Variants in MTHFD1L observed in about 807,000 individuals in gnomAD.
The protein encoded by MTHFD1L is methylenetetrahydrofolate dehydrogenase (NADP+ dependent) 1 like, also known as monofunctional C1-tetrahydrofolate synthase, mitochondrial.
In MTHFD1L, 81 loss-of-function variants were observed where a neutral mutation model predicts 119.5. The ratio of observed to expected loss-of-function variants is 0.68; its 90% CI spans 0.57 to 0.82. The LOEUF (loss-of-function observed/expected upper bound fraction) is 0.82. MTHFD1L is among the 40% of genes least tolerant of loss of function. The pLI is 0.00. For synonymous variants in MTHFD1L, 430 were observed against 475.2 expected, an observed-to-expected ratio of 0.90 and a Z score of 1.24; for missense variants, 1,125 against 1,253.4, an observed-to-expected ratio of 0.90 and a Z score of 1.55.
intron 20 of MTHFD1L, among the ~76,000 whole-genome samples, chr6:150,972,268 T>C (rs1282978872): frequency 6.6e-6 from 1 of 152,138 alleles, no homozygotes; most frequent in Non-Finnish European, 1.5e-5. Context: ...TGGTATCAAG[T>C]ACATATGGGT....
chr6:150,967,934 C>G (rs757680569), intron 19 of MTHFD1L, among the ~76,000 whole-genome samples: 4 of 152,110 alleles, frequency 2.6e-5, no homozygotes, highest in Non-Finnish European at 5.9e-5. Flanking sequence ...CCACCCCGGT[C>G]TGAAAAGCCC....
chr6:151,077,571 C>T (rs1410296352), intron 26 of MTHFD1L, among the ~76,000 whole-genome samples: 1 of 152,150 alleles, frequency 6.6e-6, no homozygotes, highest in African/African-American at 2.4e-5. Flanking sequence ...ATCCTAGCTA[C>T]TCGGGAAGCT....
At chr6:150,887,766 C>CT in intron 6 of MTHFD1L, 79 bp from the exon 7 acceptor site, 28 of 1,447,534 alleles carry the variant, frequency 1.9e-5, no homozygotes, top group Non-Finnish European at 2.3e-5. Flanking sequence ...CTAAAAGGGT[C>CT]TTTTTTTCTT....
At chr6:150,878,338 G>A (rs890803534) in intron 4 of MTHFD1L, among the ~76,000 whole-genome samples, 20 of 151,440 alleles carry the variant, frequency 1.3e-4, no homozygotes, top group African/African-American at 4.1e-4. Context: ...TGCAACCTCC[G>A]CCTCCCAGGT....
In MTHFD1L at chr6:151,024,268, G is replaced by A. The variant is rs151121615; in HGVS notation, c.2586+8575G>A. Among the ~76,000 whole-genome samples the A allele has an allele frequency of 4.5e-3, 687 of 152,284 alleles. 5 individuals carry two copies. Among genetic ancestry groups the A allele is most frequent in the African/African-American group, 0.016 (651 of 41,554 alleles). The stretch of plus-strand genomic sequence containing the variant: ...GAGAACACTGTGCTTGGCCAGGCGC[G>A]GCGGCTCATGCCTGTAATCCTAGCA... On this transcript the variant is annotated intron_variant, in intron 24 of 27. Transcript: ENST00000367321.
intron 24 of MTHFD1L, chr6:151,016,839 C>A (rs1346542065): frequency 5.2e-5 from 9 of 172,166 alleles, no homozygotes; most frequent in Non-Finnish European, 7.3e-5. Context: ...ATGGCGTGAT[C>A]TCGGCTCACT....
intron 11 of MTHFD1L, among the ~76,000 whole-genome samples, chr6:150,929,790 A>G (rs752890947): frequency 6.6e-6 from 1 of 152,234 alleles, no homozygotes; most frequent in Non-Finnish European, 1.5e-5. Flanking sequence ...GGGATCAACA[A>G]TTCTTTTTCT....
chr6:151,083,223 G>A (rs913293516), intron 26 of MTHFD1L, among the ~76,000 whole-genome samples: 6 of 151,540 alleles, frequency 4.0e-5, no homozygotes, highest in African/African-American at 1.5e-4. Context: ...TTGAGACGAA[G>A]TCTCACTCTT....
chr6:151,079,786 G>T (rs918319268), intron 26 of MTHFD1L, among the ~76,000 whole-genome samples: 1 of 151,732 alleles, frequency 6.6e-6, no homozygotes, highest in African/African-American at 2.4e-5. Flanking sequence ...ACTTCGCCTG[G>T]CCATGGGAAC....
intron 24 of MTHFD1L, among the ~76,000 whole-genome samples, chr6:151,026,641 C>T (rs980007626): frequency 6.6e-6 from 1 of 151,888 alleles, no homozygotes; most frequent in Non-Finnish European, 1.5e-5. Flanking sequence ...TCAAAAATGA[C>T]CAAAGACACA....
At chr6:150,994,892 A>G (rs1230393187) in intron 20 of MTHFD1L, among the ~76,000 whole-genome samples, 1 of 152,228 alleles carries the variant, frequency 6.6e-6, no homozygotes, top group African/African-American at 2.4e-5. Context: ...AGAGCCCCAA[A>G]CTGCTCTTCA....
Position 150,918,687 on chromosome 6 carries a change from T to C in MTHFD1L, c.984+19T>C. ...AATTCAGGTTTGTTCAACATAGCTG[T>C]CTGAGAATCTTGAGTTTGGAAGTTT... is the stretch of plus-strand genomic sequence containing the variant. On this transcript the variant is annotated intron_variant, in intron 9 of 27. Coordinates refer to ENST00000367321, the MANE Select transcript of MTHFD1L (RefSeq NM_015440.5). 6.3e-7 allele frequency: 1 copy of C among 1,595,346 alleles called. No homozygotes were observed. The highest frequency in any genetic ancestry group is 8.6e-7 in the Non-Finnish European group (1 of 1,164,710).
At chr6:150,952,306 C>A (rs1488401692) in intron 16 of MTHFD1L, among the ~76,000 whole-genome samples, 2 of 152,180 alleles carry the variant, frequency 1.3e-5, no homozygotes, top group Non-Finnish European at 2.9e-5. Flanking sequence ...AGAAATAGGA[C>A]TCTTCATCAA....
chr6:150,873,739 C>T (rs573383198), intron 1 of MTHFD1L, among the ~76,000 whole-genome samples: 8 of 152,230 alleles, frequency 5.3e-5, no homozygotes, highest in African/African-American at 1.9e-4. Context: ...ATGATTTTGG[C>T]TCACTGCAGC....
At chr6:150,881,980 C>T (rs181448376) in intron 4 of MTHFD1L, among the ~76,000 whole-genome samples, 16 of 152,260 alleles carry the variant, frequency 1.1e-4, no homozygotes, top group Non-Finnish European at 1.5e-4. Flanking sequence ...GATCTATATG[C>T]AAAGATAAGT....
rs1385933723 is a variant in MTHFD1L, at chr6:151,013,395, G to A, written c.2266-384G>A. Among the ~76,000 whole-genome samples, 8 of 152,120 alleles carry A rather than the reference G, an allele frequency of 5.3e-5. No homozygotes were observed. The South Asian group carries it at 1.2e-3, about 24-fold the overall frequency. ...ATGGCAATTACCGTAAAATGATTTC[G>A]AATGGTGATGTACTCTGTATAAATC... On this transcript the variant is annotated intron_variant, in intron 21 of 27. Coordinates refer to ENST00000367321, the MANE Select transcript of MTHFD1L (RefSeq NM_015440.5).
chr6:151,096,021 C>T (rs1794870006), intron 27 of MTHFD1L, among the ~76,000 whole-genome samples: 1 of 152,236 alleles, frequency 6.6e-6, no homozygotes, highest in Admixed American at 6.5e-5. Flanking sequence ...CAACTCAGAT[C>T]TGTTGACTCT....
Position 150,890,481 on chromosome 6 carries a change from T to C in MTHFD1L, c.780+2500T>C, listed in dbSNP as rs116877989. 6.9e-3 allele frequency among the ~76,000 whole-genome samples: 1,051 copies of C among 152,172 alleles called. 8 individuals carry two copies. Among genetic ancestry groups the C allele is most frequent in the East Asian group, 0.035 (182 of 5,164 alleles). On this transcript the variant is annotated intron_variant, in intron 7 of 27. Transcript: ENST00000367321. Reference sequence around the variant, plus strand: ...CCTGTGGAACGGTGACTATTGAATATTGAGAGGACAGTATCCCTCCCTGAG... The same window carrying C: ...CCTGTGGAACGGTGACTATTGAATACTGAGAGGACAGTATCCCTCCCTGAG...
At chr6:150,933,325 A>T (rs1366198516) in intron 11 of MTHFD1L, among the ~76,000 whole-genome samples, 3 of 152,282 alleles carry the variant, frequency 2.0e-5, no homozygotes, top group Admixed American at 6.5e-5. Context: ...TCAGTGCGGT[A>T]CTTAAATGAC....
Sources: gnomAD v4.1 joint callset for allele counts (sites outside exome capture counted in the v4.1 genomes callset) on GRCh38, gnomAD v4.1.1 for gene constraint, MANE v1.5 for transcripts, NCBI Gene and HGNC (gene_info 2026-07-23, HGNC 2026-07-21) for gene names.